VCAN: variants seen among roughly 807,000 people sequenced by gnomAD.
VCAN encodes the protein versican core protein.
VCAN carries 44 observed loss-of-function variants against 245.5 expected under a neutral mutation model. The observed-to-expected ratio is 0.18, with a 90% CI of 0.14 to 0.23. The LOEUF (loss-of-function observed/expected upper bound fraction) is 0.23. Ranked by LOEUF, VCAN falls within the 10% of genes least tolerant of loss-of-function variation. VCAN has a pLI of 1.00. For missense variants in VCAN, 3,793 were observed against 4,057.9 expected, an observed-to-expected ratio of 0.93 and a Z score of 1.77; for synonymous variants, 1,413 against 1,437.0, an observed-to-expected ratio of 0.98 and a Z score of 0.38.
At chr5:83,506,164 C>G (rs1394551660) in intron 5 of VCAN, among the ~76,000 whole-genome samples, 1 of 152,220 alleles carries the variant, frequency 6.6e-6, no homozygotes, top group Non-Finnish European at 1.5e-5. Context: ...TAACGTTAGG[C>G]TCCTTGCTAC....
intron 7 of VCAN, among the ~76,000 whole-genome samples, chr5:83,523,131 T>C (rs1323706525): frequency 6.6e-6 from 1 of 152,196 alleles, no homozygotes; most frequent in Non-Finnish European, 1.5e-5. Context: ...TTAAAAGCTG[T>C]TTGTTTACAT....
chr5:83,484,533 AT>A (rs1272659692), intron 2 of VCAN, among the ~76,000 whole-genome samples: 10 of 151,478 alleles, frequency 6.6e-5, no homozygotes, highest in African/African-American at 2.4e-4. Context: ...CCATCCATCC[AT>A]CCATCCATCC....
At chr5:83,513,035 T>C (rs1745715608) in intron 6 of VCAN, 1 of 152,328 alleles carries the variant, frequency 6.6e-6, no homozygotes, top group South Asian at 2.1e-4. Flanking sequence ...TTAGGTTTAC[T>C]AATTAACATT....
At chr5:83,574,222 T>C (rs1423712267) in intron 13 of VCAN, among the ~76,000 whole-genome samples, 1 of 152,034 alleles carries the variant, frequency 6.6e-6, no homozygotes, top group Non-Finnish European at 1.5e-5. Flanking sequence ...CTTCCCCACC[T>C]CATCCACTCA....
At chr5:83,553,708 A>G (rs888692993) in intron 11 of VCAN, among the ~76,000 whole-genome samples, 186 bp downstream of exon 11, 3 of 152,244 alleles carry the variant, frequency 2.0e-5, no homozygotes, top group East Asian at 3.8e-4. Flanking sequence ...ACATTCAACT[A>G]TAATATAGGT....
chr5:83,540,341 A>G lies in VCAN; in HGVS notation c.7338A>G (p.Ala2446=). 1.2e-6 allele frequency: 2 copies of G among 1,614,098 alleles called. No individual in the cohort carries two copies. Among genetic ancestry groups the G allele is most frequent in the Middle Eastern group, 1.6e-4 (1 of 6,062 alleles). Residue 2446 remains alanine (A), a synonymous_variant, in exon 8 of 15, where the codon GCA becomes GCG. Coordinates refer to ENST00000265077, the MANE Select transcript of VCAN (RefSeq NM_004385.5). Reference sequence around the variant, plus strand: ...TTGTTGATTCATTTCACACTTCTGCAACTACTCAGGCAACCAGACAAGAAA... The same window carrying G: ...TTGTTGATTCATTTCACACTTCTGCGACTACTCAGGCAACCAGACAAGAAA... The part of the protein sequence containing the change: ...VDIVDSFHTS[A]TTQATRQESS...
intron 10 of VCAN, among the ~76,000 whole-genome samples, chr5:83,549,594 T>C (rs759574532): frequency 6.6e-6 from 1 of 152,220 alleles, no homozygotes; most frequent in Non-Finnish European, 1.5e-5. Context: ...ATCTGATGCA[T>C]TGAGTGGCAA....
At chr5:83,517,432 T>C (rs1419556355) in intron 6 of VCAN, among the ~76,000 whole-genome samples, 1 of 152,218 alleles carries the variant, frequency 6.6e-6, no homozygotes, top group East Asian at 1.9e-4. Flanking sequence ...AAATTTTCTC[T>C]AATATGCTGT....
At chr5:83,577,813 C>A (rs1041918032) in intron 13 of VCAN, among the ~76,000 whole-genome samples, 1 of 152,120 alleles carries the variant, frequency 6.6e-6, no homozygotes, top group Admixed American at 6.6e-5. Context: ...TGCCATGTTG[C>A]CTCTTTCAAA....
chr5:83,488,072 G>C (rs1744850561), intron 2 of VCAN, among the ~76,000 whole-genome samples: 1 of 152,146 alleles, frequency 6.6e-6, no homozygotes, highest in Non-Finnish European at 1.5e-5. Context: ...TCTTCAGGAA[G>C]GAAGATGAGA....
rs544491658 is a variant in VCAN, at chr5:83,524,451, T to C, written c.4003+2142T>C. ...CAGGCAGAATTCTAATGTGAGAGTG[T>C]GTATATGTGTGTACAACAAGGGGAT... On this transcript the variant is annotated intron_variant, in intron 7 of 14. Coordinates refer to ENST00000265077, the MANE Select transcript of VCAN (RefSeq NM_004385.5). Among the ~76,000 whole-genome samples, 4 of 152,234 alleles carry C rather than the reference T, an allele frequency of 2.6e-5. No individual in the cohort carries two copies. The East Asian group carries it at 7.7e-4, about 29-fold the overall frequency.
In VCAN at chr5:83,541,434, A is replaced by T. The variant is rs1036832714; in HGVS notation, c.8431A>T (p.Thr2811Ser). ...GSNPPYYTDT[T>S]LAVSTFAKLS... ...CAATCCCCCATATTACACTGATACA[A>T]CATTAGCAGTTTCAACATTTGCGAA... Residue 2811 changes from threonine to serine, a missense_variant, in exon 8 of 15, where the codon ACA (threonine) becomes TCA (serine). This residue lies in a region of VCAN where 3,182 missense variants were observed against 3,250.3 expected (regional missense o/e 0.98). Transcript: ENST00000265077. 6.2e-7 allele frequency: 1 copy of T among 1,614,076 alleles called. No individual in the cohort carries two copies. The highest frequency in any genetic ancestry group is 1.1e-5 in the South Asian group (1 of 91,084).
chr5:83,537,570 A>G lies in VCAN; in HGVS notation c.4567A>G (p.Thr1523Ala), dbSNP rs1366837930. The change falls in exon 8 of 15, where the codon ACA becomes GCA. Residue 1523 changes from threonine (T) to alanine (A), a missense_variant. Thr to Ala is a moderately conservative substitution (Grantham distance 58, BLOSUM62 0). Coordinates refer to ENST00000265077, the MANE Select transcript of VCAN (RefSeq NM_004385.5). The stretch of plus-strand genomic sequence containing the variant: ...AGCCAAAAAAGGGGCAGAATCAGTC[A>G]CAGAGAGAGATACTGAAGTTGGTCA... ...GTAKKGAESV[T>A]ERDTEVGHQA... 1 of 1,613,802 alleles carries G rather than the reference A, an allele frequency of 6.2e-7. No homozygotes were observed. Among genetic ancestry groups the G allele is most frequent in the Admixed American group, 1.7e-5 (1 of 59,914 alleles).
rs1357766629 is a variant in VCAN, at chr5:83,522,127, ATAT to A, written c.3823_3825del (p.Ile1275del). On this transcript the variant is annotated inframe_deletion, in exon 7 of 15. Transcript: ENST00000265077. Reference sequence around the variant, plus strand: ...ATTGTAGCCAAGGAAACAGAAACCGATATTGATAGAGAGTATTTCACGACTTCA... The same window carrying A: ...ATTGTAGCCAAGGAAACAGAAACCGATGATAGAGAGTATTTCACGACTTCA... The A allele has an allele frequency of 6.2e-7, 1 of 1,613,728 alleles. No homozygotes were observed. The highest frequency in any genetic ancestry group is 2.2e-5 in the East Asian group (1 of 44,892).
chr5:83,477,838 G>GA (rs1744449116), intron 1 of VCAN, among the ~76,000 whole-genome samples: 1 of 150,900 alleles, frequency 6.6e-6, no homozygotes, highest in South Asian at 2.1e-4. Context: ...TAAAATTATA[G>GA]AAAAAATCGC....
At chr5:83,544,305 A>G (rs1204108690) in intron 8 of VCAN, among the ~76,000 whole-genome samples, 2 of 152,238 alleles carry the variant, frequency 1.3e-5, no homozygotes, top group African/African-American at 4.8e-5. Flanking sequence ...ACTCATCTGA[A>G]TTAACCTAAT....
chr5:83,535,210 T>C (rs1284399224), intron 7 of VCAN, among the ~76,000 whole-genome samples: 1 of 152,116 alleles, frequency 6.6e-6, no homozygotes, highest in African/African-American at 2.4e-5. Context: ...AATACCCATA[T>C]GCTGTAGTTT....
chr5:83,528,296 G>A (rs7720748), intron 7 of VCAN, among the ~76,000 whole-genome samples: 8,050 of 152,184 alleles, frequency 0.053, 690 homozygotes, highest in African/African-American at 0.18. Flanking sequence ...CTGTTGGAGG[G>A]ATAGATTACA....
At chr5:83,493,467 C>G in intron 3 of VCAN, 79 bp from the exon 4 acceptor site, 2 of 1,564,324 alleles carry the variant, frequency 1.3e-6, no homozygotes, top group Non-Finnish European at 1.8e-6. Context: ...TAAGTTGATA[C>G]ATTGCTCCAA....
Sources: gnomAD v4.1 joint callset for allele counts (sites outside exome capture counted in the v4.1 genomes callset) on GRCh38, gnomAD v4.1.1 for gene constraint, gnomAD v4.1.1 regional missense constraint, MANE v1.5 for transcripts, NCBI Gene and HGNC (gene_info 2026-07-23, HGNC 2026-07-21) for gene names.